The following FZD6 variants were observed in gnomAD, a reference collection of about 807,000 sequenced individuals.
FZD6 encodes frizzled class receptor 6.
A neutral mutation model predicts 61.4 loss-of-function variants in FZD6; 49 were observed. The ratio of observed to expected loss-of-function variants is 0.80; its 90% CI spans 0.63 to 1.01. The LOEUF is 1.01. Ranked by LOEUF, FZD6 falls within the 50% of genes least tolerant of loss-of-function variation. The pLI is 0.00. For synonymous variants in FZD6, 265 were observed against 292.2 expected (o/e 0.91, Z 0.95); for missense variants, 724 against 848.2 (o/e 0.85, Z 1.82).
At chr8:103,329,013 T>TTTTATATATATATA (rs143400765) in intron 5 of FZD6, among the ~76,000 whole-genome samples, 1 of 115,174 alleles carries the variant, frequency 8.7e-6, no homozygotes, top group Non-Finnish European at 1.8e-5. Context: ...CATTTTAGTT[T>TTTTATATATATATA]TATATATATA....
In FZD6 at chr8:103,301,959, G is replaced by A. The variant is rs192235920; in HGVS notation, c.177+1675G>A. Among the ~76,000 whole-genome samples the A allele has an allele frequency of 3.0e-3, 455 of 152,014 alleles. 3 individuals carry two copies. Among genetic ancestry groups the A allele is most frequent in the Non-Finnish European group, 5.3e-3 (362 of 67,952 alleles). Reference sequence around the variant, plus strand: ...CTTTTTGTTCTTACCTCTTTTATATGATTGCTAATACTACCAATCTCTTCA... The same window carrying A: ...CTTTTTGTTCTTACCTCTTTTATATAATTGCTAATACTACCAATCTCTTCA... On this transcript the variant is annotated intron_variant, in intron 2 of 6. Transcript: ENST00000358755.
rs115763069 is a variant in FZD6 at position 103,303,410 on chromosome 8, C to T, written c.177+3126C>T. Reference sequence around the variant, plus strand: ...CCTTTCTCCTGAGCAAATTTAATCACCCCACTCTACACCCTTACAGTACTT... The same window carrying T: ...CCTTTCTCCTGAGCAAATTTAATCATCCCACTCTACACCCTTACAGTACTT... On this transcript the variant is annotated intron_variant, in intron 2 of 6. Coordinates refer to ENST00000358755, the MANE Select transcript of FZD6 (RefSeq NM_003506.4). 8.2e-3 allele frequency among the ~76,000 whole-genome samples: 1,247 copies of T among 152,280 alleles called. 21 individuals are homozygous for T. The highest frequency in any genetic ancestry group is 0.028 in the African/African-American group (1,174 of 41,548).
chr8:103,324,401 T>G, intron 3 of FZD6, 80 bp from the exon 4 acceptor site: 1 of 752,678 alleles, frequency 1.3e-6, no homozygotes, highest in Non-Finnish European at 2.2e-6. Context: ...GGTAATATTT[T>G]ATAGTTGGAA....
At chr8:103,319,655 C>T (rs1814725980) in intron 3 of FZD6, among the ~76,000 whole-genome samples, 1 of 152,194 alleles carries the variant, frequency 6.6e-6, no homozygotes, top group Non-Finnish European at 1.5e-5. Context: ...TTTCCACATG[C>T]ATTCCTGTTG....
chr8:103,325,549 T>C, intron 4 of FZD6, 51 bp downstream of exon 4: 1 of 1,380,062 alleles, frequency 7.2e-7, no homozygotes, highest in Non-Finnish European at 1.0e-6. Context: ...ATGTAGAAAA[T>C]GTTTCATGGA....
At position 103,325,614 on chromosome 8, in the gene FZD6, A is replaced by G. The variant is rs1814930648; in HGVS notation, c.1392+116A>G. 4.7e-6 allele frequency: 4 copies of G among 848,730 alleles called. No homozygotes were observed. The Admixed American group carries it at 5.3e-5, about 11-fold the overall frequency. The allele number at this position is 848,730 out of a possible 1,614,324, so 52.6% of individuals were successfully genotyped here. On this transcript the variant is annotated intron_variant, in intron 4 of 6. Coordinates refer to ENST00000358755, the MANE Select transcript of FZD6 (RefSeq NM_003506.4). ...TTTCAGGTGAGAAAATACAAGAGCC[A>G]TAGGTAAGGATTTCCTATACATCAA...
chr8:103,299,215 A>C (rs962283231), intron 1 of FZD6, among the ~76,000 whole-genome samples: 1 of 152,296 alleles, frequency 6.6e-6, no homozygotes, highest in Middle Eastern at 3.4e-3. Context: ...CAGGCCAGGA[A>C]CGCTGCTGTC....
At chr8:103,300,372 G>A in intron 2 of FZD6, 88 bp downstream of exon 2, 1 of 978,688 alleles carries the variant, frequency 1.0e-6, no homozygotes, top group Non-Finnish European at 1.7e-6. Flanking sequence ...TTTAAACAGA[G>A]CCGATTTCTT....
At chr8:103,316,835 T>C (rs2130305922) in intron 2 of FZD6, among the ~76,000 whole-genome samples, 1 of 152,336 alleles carries the variant, frequency 6.6e-6, no homozygotes, top group East Asian at 1.9e-4. Context: ...TCAGTGTTCA[T>C]TTATTGTTTT....
At chr8:103,307,872 C>T (rs1814385082) in intron 2 of FZD6, 4 of 455,976 alleles carry the variant, frequency 8.8e-6, no homozygotes, top group Non-Finnish European at 1.3e-5. Context: ...AGCTAAGATG[C>T]TGGCACAGGT....
intron 2 of FZD6, among the ~76,000 whole-genome samples, chr8:103,303,352 AG>A (rs1310609564): frequency 1.3e-5 from 2 of 152,204 alleles, no homozygotes; most frequent in Non-Finnish European, 2.9e-5. Context: ...TCTCAGTTAA[AG>A]CAATAACTGT....
intron 4 of FZD6, among the ~76,000 whole-genome samples, chr8:103,326,590 A>G (rs1814955795): frequency 6.6e-6 from 1 of 151,856 alleles, no homozygotes; most frequent in Non-Finnish European, 1.5e-5. Context: ...GAAAATTATA[A>G]TCTTCAAGTG....
Position 103,331,617 on chromosome 8 carries a change from G to T in FZD6, c.*108G>T, listed in dbSNP as rs2130351602. On this transcript the variant is annotated 3_prime_UTR_variant, in exon 7 of 7. Transcript: ENST00000358755. ...ACATTCTTCTTTTGCACTTAAAGTT[G>T]CATTGCCTACTGTTATACTGGAAAA... 2.6e-6 allele frequency: 2 copies of T among 776,742 alleles called. No homozygotes were observed. The highest frequency in any genetic ancestry group is 4.5e-6 in the Non-Finnish European group (2 of 443,702). 48.1% of individuals were successfully genotyped at this position (776,742 alleles called of 1,614,324 possible). A position where few individuals can be genotyped will look rare whatever the true frequency, so the allele number is the denominator to read the frequency against.
chr8:103,318,818 T>C (rs748938946), intron 3 of FZD6, 32 bp downstream of exon 3: 1 of 1,275,192 alleles, frequency 7.8e-7, no homozygotes, highest in Non-Finnish European at 1.1e-6. Context: ...AAGCTACTAA[T>C]GGTATTTTAC....
intron 1 of FZD6, among the ~76,000 whole-genome samples, chr8:103,299,485 A>G (rs553372807): frequency 1.3e-5 from 2 of 152,302 alleles, no homozygotes; most frequent in South Asian, 4.2e-4. Context: ...CCTTACGAAA[A>G]TCGAGAAAAC....
rs556352002 is a variant in FZD6 at position 103,329,918 on chromosome 8, C to T, written c.1805C>T (p.Ala602Val). Reference protein sequence around the residue: ...SPETSMREVKADGASTPRLRE... With the variant: ...SPETSMREVKVDGASTPRLRE... ...GAAACATCAATGAGAGAGGTGAAAGCGGACGGAGCTAGCACCCCCAGGTTA... is the reference window on the plus strand; with the variant it reads ...GAAACATCAATGAGAGAGGTGAAAGTGGACGGAGCTAGCACCCCCAGGTTA... Residue 602 changes from alanine (A) to valine (V), a missense_variant, in exon 6 of 7, where the codon GCG becomes GTG. By Grantham distance (64) the Ala-to-Val change is moderately conservative. Transcript: ENST00000358755. The T allele has an allele frequency of 2.7e-5, 44 of 1,613,936 alleles. No individual in the cohort carries two copies. Among genetic ancestry groups the T allele is most frequent in the Admixed American group, 1.0e-4 (6 of 59,988 alleles).
chr8:103,325,397 C>G lies in FZD6; in HGVS notation c.1291C>G (p.Leu431Val), dbSNP rs1182066631. Reference sequence around the variant, plus strand: ...CTTGTATCTTGTGCCATTAGTGACACTTCTCGGATGTTACGTCTATGAGCA... The same window carrying G: ...CTTGTATCTTGTGCCATTAGTGACAGTTCTCGGATGTTACGTCTATGAGCA... ...SGLYLVPLVT[L>V]LGCYVYEQVN... is the part of the protein sequence containing the mutation. The change falls in exon 4 of 7, where the codon CTT becomes GTT. Residue 431 changes from leucine to valine, a missense_variant. By Grantham distance (32) the Leu-to-Val change is conservative. Coordinates refer to ENST00000358755, the MANE Select transcript of FZD6 (RefSeq NM_003506.4). 2 of 1,613,398 alleles carry G rather than the reference C, an allele frequency of 1.2e-6. No individual in the cohort carries two copies. Among genetic ancestry groups the G allele is most frequent in the Non-Finnish European group, 1.7e-6 (2 of 1,179,458 alleles).
At chr8:103,327,771 A>T (rs1814995023) in intron 4 of FZD6, among the ~76,000 whole-genome samples, 1 of 152,144 alleles carries the variant, frequency 6.6e-6, no homozygotes, top group South Asian at 2.1e-4. Flanking sequence ...CTGAATAAAA[A>T]GTATAATTTC....
At chr8:103,305,153 T>C (rs998176411) in intron 2 of FZD6, among the ~76,000 whole-genome samples, 1 of 152,232 alleles carries the variant, frequency 6.6e-6, no homozygotes, top group Non-Finnish European at 1.5e-5. Context: ...GAGAGACTGA[T>C]TTCATCCAGA....
Sources: gnomAD v4.1 joint callset for allele counts (sites outside exome capture counted in the v4.1 genomes callset) on GRCh38, gnomAD v4.1.1 for gene constraint, MANE v1.5 for transcripts, NCBI Gene and HGNC (gene_info 2026-07-23, HGNC 2026-07-21) for gene names.